MYCBP2: variants seen among roughly 807,000 people sequenced by gnomAD.
The protein encoded by MYCBP2 is MYC binding protein 2, also known as E3 ubiquitin-protein ligase MYCBP2.
MYCBP2 carries 120 observed loss-of-function variants against 525.3 expected under a neutral mutation model. That is an observed-to-expected ratio of 0.23 (90% CI 0.20 to 0.27). The LOEUF (loss-of-function observed/expected upper bound fraction) is 0.27, where lower values mean the gene tolerates loss of function less well. MYCBP2 is among the 10% of genes least tolerant of loss of function. MYCBP2 has a pLI of 1.00. For synonymous variants in MYCBP2, 1,894 were observed against 1,955.8 expected (o/e 0.97, Z 0.83); for missense variants, 4,149 against 5,657.1 (o/e 0.73, Z 8.55).
At chr13:77,050,504 C>A (rs1245034520) in intron 82 of MYCBP2, among the ~76,000 whole-genome samples, 2 of 152,098 alleles carry the variant, frequency 1.3e-5, no homozygotes, top group Admixed American at 6.6e-5. Context: ...TTCCCCTCAG[C>A]CTGCTTTCCA....
intron 16 of MYCBP2, 95 bp downstream of exon 16, chr13:77,243,707 CTAAT>C: frequency 9.6e-7 from 1 of 1,040,998 alleles, no homozygotes; most frequent in East Asian, 2.8e-5. Context: ...AATTATTATC[CTAAT>C]TTATTAACAT....
intron 13 of MYCBP2, among the ~76,000 whole-genome samples, chr13:77,259,446 A>G (rs2072853778): frequency 6.6e-6 from 1 of 152,224 alleles, no homozygotes; most frequent in African/African-American, 2.4e-5. Flanking sequence ...TATATGTTGA[A>G]GAAATATACA....
chr13:77,270,416 T>A lies in MYCBP2; in HGVS notation c.1068A>T (p.Leu356Phe). 6.2e-7 allele frequency: 1 copy of A among 1,613,812 alleles called. No individual in the cohort carries two copies. Residue 356 changes from leucine to phenylalanine, a missense_variant, in exon 6 of 83, where the codon TTA becomes TTT. This residue lies in a region of MYCBP2 where 413 missense variants were observed against 451.2 expected (regional missense o/e 0.92). Transcript: ENST00000544440. ...CATCTTCATCAACAGATATTTCTTTTAATGGCCACTTGTGCATTAAAGCTG... is the reference window on the plus strand; with the variant it reads ...CATCTTCATCAACAGATATTTCTTTAAATGGCCACTTGTGCATTAAAGCTG... Reference protein sequence around the residue: ...KKAALMHKWPLKEISVDEDDQ... With the variant: ...KKAALMHKWPFKEISVDEDDQ...
chr13:77,261,440 AG>A, intron 11 of MYCBP2, 65 bp from the exon 12 acceptor site: 24 of 1,094,348 alleles, frequency 2.2e-5, no homozygotes, highest in Admixed American at 5.1e-5. Flanking sequence ...GTTTCACATG[AG>A]GAAAAAAAAG....
At chr13:77,175,522 C>T (rs2059609785) in intron 36 of MYCBP2, among the ~76,000 whole-genome samples, 2 of 152,186 alleles carry the variant, frequency 1.3e-5, no homozygotes, top group South Asian at 4.1e-4. Flanking sequence ...TAAATTCTTC[C>T]TGATGAAACC....
intron 5 of MYCBP2, among the ~76,000 whole-genome samples, chr13:77,272,035 T>C (rs1233316126): frequency 6.6e-6 from 1 of 152,200 alleles, no homozygotes; most frequent in Non-Finnish European, 1.5e-5. Context: ...CAGCTATTGA[T>C]TCAGAGGATC....
At chr13:77,200,869 A>T (rs376643235) in intron 26 of MYCBP2, among the ~76,000 whole-genome samples, 1 of 152,108 alleles carries the variant, frequency 6.6e-6, no homozygotes, top group Non-Finnish European at 1.5e-5. Flanking sequence ...ACCAGGCCTG[A>T]CCTAAAAGAG....
rs767676705 is a variant in MYCBP2 at position 77,257,827 on chromosome 13, A to C, written c.2020T>G (p.Leu674Val). The C allele has an allele frequency of 3.8e-6, 6 of 1,595,688 alleles. No individual in the cohort carries two copies. Among genetic ancestry groups the C allele is most frequent in the Non-Finnish European group, 4.3e-6 (5 of 1,175,292 alleles). ...KDAIYSDSSS[L>V]VTDLKGHFVT... ...AAATGGCCCTTCAAATCAGTTACCA[A>C]ACCTATAGGAAAGAAACAAATTTAG... Residue 674 changes from leucine to valine, a missense_variant and splice_region_variant, in exon 14 of 83, where the codon TTG becomes GTG. By Grantham distance (32) the Leu-to-Val change is conservative. Coordinates refer to ENST00000544440, the MANE Select transcript of MYCBP2 (RefSeq NM_015057.5).
At chr13:77,302,529 A>T (rs927999734) in intron 1 of MYCBP2, among the ~76,000 whole-genome samples, 2 of 152,202 alleles carry the variant, frequency 1.3e-5, no homozygotes, top group African/African-American at 4.8e-5. Context: ...TAATTCACAT[A>T]AAGGATTCTA....
In MYCBP2 at chr13:77,233,915, T is replaced by C. The variant is rs151008732; in HGVS notation, c.2630-652A>G. Reference sequence around the variant, plus strand: ...GAGAGAGAAAGGAGCTTGGGCTTTATATTGATGGTAAAGGGGGCACCTAAC... The same window carrying C: ...GAGAGAGAAAGGAGCTTGGGCTTTACATTGATGGTAAAGGGGGCACCTAAC... On this transcript the variant is annotated intron_variant, in intron 17 of 82. Transcript: ENST00000544440. 3.3e-5 allele frequency among the ~76,000 whole-genome samples: 5 copies of C among 151,994 alleles called. No homozygotes were observed. In the East Asian group the frequency reaches 7.7e-4, roughly 23 times the overall value.
Position 77,176,558 on chromosome 13 carries a change from G to A in MYCBP2, c.5411C>T (p.Thr1804Ile), listed in dbSNP as rs2059724073. Residue 1804 changes from threonine (T) to isoleucine (I), a missense_variant, in exon 36 of 83, where the codon ACA (threonine) becomes ATA (isoleucine). Physicochemically the swap from Thr to Ile is moderately conservative, Grantham distance 89. Transcript: ENST00000544440. ...TATATCACTGGGTGAGTCATCCGTT[G>A]TGTACGTTCCTTTCACTAATTCCAG... ...TSLELVKGTY[T>I]TDDSPSDIAE... 6.2e-7 allele frequency: 1 copy of A among 1,601,512 alleles called. No homozygotes were observed. The highest frequency in any genetic ancestry group is 1.1e-5 in the South Asian group (1 of 89,024).
At chr13:77,126,235 T>C in intron 53 of MYCBP2, 83 bp downstream of exon 53, 6 of 1,174,720 alleles carry the variant, frequency 5.1e-6, no homozygotes, top group East Asian at 2.4e-5. Flanking sequence ...GTGGTAGAAA[T>C]GGCAACCTTT....
At chr13:77,152,270 A>G (rs1025355772) in intron 46 of MYCBP2, among the ~76,000 whole-genome samples, 8 of 152,212 alleles carry the variant, frequency 5.3e-5, no homozygotes. Context: ...ACCCCTGGAA[A>G]TATTAAAAAC....
At chr13:77,134,400 G>A (rs1303837594) in intron 52 of MYCBP2, among the ~76,000 whole-genome samples, 1 of 151,946 alleles carries the variant, frequency 6.6e-6, no homozygotes, top group Admixed American at 6.6e-5. Context: ...TGGGTGTGGT[G>A]GTGTATGCCT....
chr13:77,091,660 A>C (rs1432496663), intron 59 of MYCBP2, among the ~76,000 whole-genome samples: 1 of 152,170 alleles, frequency 6.6e-6, no homozygotes, highest in Non-Finnish European at 1.5e-5. Context: ...TCCAGATGTC[A>C]ACAGAGAGGC....
intron 63 of MYCBP2, among the ~76,000 whole-genome samples, 189 bp downstream of exon 63, chr13:77,082,843 G>A (rs1351785973): frequency 6.6e-6 from 1 of 151,954 alleles, no homozygotes; most frequent in Non-Finnish European, 1.5e-5. Context: ...TTTACAGGAG[G>A]GCAAACAAAT....
At chr13:77,141,703 G>A (rs538382321) in intron 49 of MYCBP2, among the ~76,000 whole-genome samples, 1 of 151,510 alleles carries the variant, frequency 6.6e-6, no homozygotes, top group Non-Finnish European at 1.5e-5. Context: ...CCTGTGAGGT[G>A]GAGGTTGCAG....
chr13:77,133,644 G>A (rs995950023), intron 52 of MYCBP2, among the ~76,000 whole-genome samples: 1 of 152,270 alleles, frequency 6.6e-6, no homozygotes, highest in Non-Finnish European at 1.5e-5. Context: ...TGAGAAGGAA[G>A]AGAGAAAGCT....
intron 68 of MYCBP2, among the ~76,000 whole-genome samples, chr13:77,074,048 G>T (rs2154091995): frequency 7.7e-6 from 1 of 130,026 alleles, no homozygotes; most frequent in Non-Finnish European, 1.6e-5. Flanking sequence ...CTGATTCTAA[G>T]CTTTATATGG....
Sources: gnomAD v4.1 joint callset for allele counts (sites outside exome capture counted in the v4.1 genomes callset) on GRCh38, gnomAD v4.1.1 for gene constraint, gnomAD v4.1.1 regional missense constraint, MANE v1.5 for transcripts, NCBI Gene and HGNC (gene_info 2026-07-23, HGNC 2026-07-21) for gene names.